The following SLC4A10 variants were observed in gnomAD, a reference collection of about 807,000 sequenced individuals.
SLC4A10 encodes sodium-driven chloride bicarbonate exchanger.
In SLC4A10, 42 loss-of-function variants were observed where a neutral mutation model predicts 137.7. That is an observed-to-expected ratio of 0.30 (90% CI 0.24 to 0.39). SLC4A10 has a LOEUF of 0.39. Among genes scored for constraint, SLC4A10 ranks in the 10% least tolerant of loss-of-function variants. SLC4A10 has a pLI of 1.00. For synonymous variants in SLC4A10, 474 were observed against 464.1 expected (o/e 1.02, Z -0.27); for missense variants, 925 against 1,355.0 (o/e 0.68, Z 4.98).
At chr2:161,917,455 A>C (rs1216698041) in intron 15 of SLC4A10, among the ~76,000 whole-genome samples, 1 of 152,074 alleles carries the variant, frequency 6.6e-6, no homozygotes. Context: ...GCTAGGTTAC[A>C]TAAAAAGTGT....
intron 3 of SLC4A10, among the ~76,000 whole-genome samples, chr2:161,835,898 G>A (rs181572922): frequency 7.2e-5 from 11 of 152,334 alleles, no homozygotes; most frequent in African/African-American, 2.6e-4. Context: ...GGGTTCAGCA[G>A]CTGAATACAT....
chr2:161,907,847 T>C (rs556749278), intron 15 of SLC4A10, among the ~76,000 whole-genome samples: 1 of 152,344 alleles, frequency 6.6e-6, no homozygotes, highest in East Asian at 1.9e-4. Flanking sequence ...GATATAATTT[T>C]CAGTACACTG....
At chr2:161,650,390 A>C (rs1233398039) in intron 1 of SLC4A10, among the ~76,000 whole-genome samples, 1 of 152,270 alleles carries the variant, frequency 6.6e-6, no homozygotes, top group Non-Finnish European at 1.5e-5. Flanking sequence ...AAGCTGCTGC[A>C]GGAACGCCAG....
At chr2:161,668,582 C>G (rs558725864) in intron 1 of SLC4A10, among the ~76,000 whole-genome samples, 184 of 151,664 alleles carry the variant, frequency 1.2e-3, no homozygotes, top group Non-Finnish European at 2.1e-3. Context: ...GTTTTATCAA[C>G]CTTATGATTC....
chr2:161,690,706 A>G (rs1039742632), intron 1 of SLC4A10, among the ~76,000 whole-genome samples: 1 of 152,260 alleles, frequency 6.6e-6, no homozygotes, highest in South Asian at 2.1e-4. Context: ...ACCAAACACC[A>G]CATGTTCTCA....
intron 2 of SLC4A10, among the ~76,000 whole-genome samples, chr2:161,777,483 G>A (rs114082062): frequency 0.017 from 2,575 of 151,946 alleles, 75 homozygotes; most frequent in African/African-American, 0.058. Context: ...CCATTTTCAC[G>A]CTGCTGATAA....
chr2:161,930,996 A>G (rs1202806236), intron 15 of SLC4A10, among the ~76,000 whole-genome samples: 2 of 152,066 alleles, frequency 1.3e-5, no homozygotes, highest in East Asian at 1.9e-4. Flanking sequence ...CAGTGGCACA[A>G]TCTTGGCTCA....
intron 15 of SLC4A10, among the ~76,000 whole-genome samples, chr2:161,909,231 AT>A (rs1249786665): frequency 6.6e-5 from 10 of 152,068 alleles, no homozygotes; most frequent in African/African-American, 2.4e-4. Context: ...TTAAAGTATA[AT>A]AACAATAAAA....
chr2:161,805,522 TAC>T (rs1183048881), intron 3 of SLC4A10, among the ~76,000 whole-genome samples: 3 of 152,172 alleles, frequency 2.0e-5, no homozygotes, highest in African/African-American at 7.2e-5. Context: ...ACTTCCTAGA[TAC>T]AACTGGGGTA....
At chr2:161,856,009 T>A (rs984170830) in intron 5 of SLC4A10, among the ~76,000 whole-genome samples, 2 of 152,076 alleles carry the variant, frequency 1.3e-5, no homozygotes, top group African/African-American at 4.8e-5. Context: ...AATAATATAT[T>A]AGAAAAATAA....
intron 1 of SLC4A10, among the ~76,000 whole-genome samples, chr2:161,730,486 C>T (rs1292449555): frequency 6.6e-6 from 1 of 152,164 alleles, no homozygotes; most frequent in African/African-American, 2.4e-5. Flanking sequence ...TATCTATCAA[C>T]CATCATCATT....
chr2:161,710,814 G>A (rs554474926), intron 1 of SLC4A10: 5 of 430,188 alleles, frequency 1.2e-5, no homozygotes, highest in Admixed American at 7.4e-5. Context: ...TAAAGGCTGA[G>A]CATTGGATGA....
chr2:161,971,427 T>C (rs1698514830), intron 23 of SLC4A10, among the ~76,000 whole-genome samples: 3 of 152,244 alleles, frequency 2.0e-5, no homozygotes, highest in Non-Finnish European at 2.9e-5. Flanking sequence ...TGTATTATTC[T>C]ACCTTTCATC....
At chr2:161,757,575 A>G (rs2049798861) in intron 1 of SLC4A10, among the ~76,000 whole-genome samples, 1 of 152,170 alleles carries the variant, frequency 6.6e-6, no homozygotes, top group Non-Finnish European at 1.5e-5. Context: ...GTACATAAGG[A>G]AATTGAGGCA....
chr2:161,651,643 C>T (rs1390735585), intron 1 of SLC4A10, among the ~76,000 whole-genome samples: 2 of 152,196 alleles, frequency 1.3e-5, no homozygotes. Context: ...ATGTGGGTGC[C>T]CGCAGCAGAG....
At chr2:161,678,741 T>C (rs2040529948) in intron 1 of SLC4A10, among the ~76,000 whole-genome samples, 1 of 152,170 alleles carries the variant, frequency 6.6e-6, no homozygotes, top group Admixed American at 6.6e-5. Flanking sequence ...GTGTCTGACA[T>C]TTTTTGCATA....
intron 1 of SLC4A10, among the ~76,000 whole-genome samples, chr2:161,650,234 C>T (rs539863171): frequency 1.3e-5 from 2 of 152,294 alleles, no homozygotes; most frequent in South Asian, 2.1e-4. Context: ...TTCCTTGATT[C>T]GGACTTGTAT....
At chr2:161,968,734 A>G (rs1698017683) in intron 23 of SLC4A10, among the ~76,000 whole-genome samples, 1 of 152,224 alleles carries the variant, frequency 6.6e-6, no homozygotes, top group Non-Finnish European at 1.5e-5. Context: ...CTAATTCTCC[A>G]TCGAACAGGA....
chr2:161,949,676 T>A (rs1694446366), intron 18 of SLC4A10, among the ~76,000 whole-genome samples: 1 of 152,032 alleles, frequency 6.6e-6, no homozygotes, highest in Non-Finnish European at 1.5e-5. Context: ...TGAATATTCC[T>A]TATCCAAAGT....
Sources: gnomAD v4.1 joint callset for allele counts (sites outside exome capture counted in the v4.1 genomes callset) on GRCh38, gnomAD v4.1.1 for gene constraint, MANE v1.5 for transcripts, NCBI Gene and HGNC (gene_info 2026-07-23, HGNC 2026-07-21) for gene names.